TNIP3: variants seen among roughly 807,000 people sequenced by gnomAD.
TNIP3 encodes the protein TNFAIP3 interacting protein 3.
In TNIP3, 34 loss-of-function variants were observed where a neutral mutation model predicts 54.1. The observed-to-expected ratio is 0.63, with a 90% CI of 0.48 to 0.84. The LOEUF (loss-of-function observed/expected upper bound fraction) is 0.84. Among genes scored for constraint, TNIP3 ranks in the 40% least tolerant of loss-of-function variants. The pLI is 0.00. For missense variants in TNIP3, 366 were observed against 387.6 expected (o/e 0.94, Z 0.47); for synonymous variants, 134 against 136.8 (o/e 0.98, Z 0.14).
chr4:121,225,246 A>C (rs1480327419), intron 1 of TNIP3, among the ~76,000 whole-genome samples: 2 of 152,214 alleles, frequency 1.3e-5, no homozygotes, highest in Non-Finnish European at 2.9e-5. Context: ...GGTTTTTTAC[A>C]TACTTAGATT....
chr4:121,222,097 T>C (rs945730436), intron 1 of TNIP3, among the ~76,000 whole-genome samples: 1 of 152,156 alleles, frequency 6.6e-6, no homozygotes, highest in Non-Finnish European at 1.5e-5. Flanking sequence ...CTCCTAATAC[T>C]TAAGTGTTAT....
At chr4:121,143,433 C>T (rs142851176) in intron 7 of TNIP3, among the ~76,000 whole-genome samples, 10 of 152,346 alleles carry the variant, frequency 6.6e-5, no homozygotes, top group African/African-American at 2.4e-4. Flanking sequence ...CCATGTCCCA[C>T]ATTCCCATAA....
chr4:121,186,160 T>A (rs1725006349), intron 2 of TNIP3, among the ~76,000 whole-genome samples: 1 of 152,122 alleles, frequency 6.6e-6, no homozygotes, highest in African/African-American at 2.4e-5. Context: ...TTCACTAACT[T>A]CAGCCACTGC....
intron 2 of TNIP3, among the ~76,000 whole-genome samples, chr4:121,183,535 G>T (rs538568177): frequency 6.6e-6 from 1 of 152,280 alleles, no homozygotes; most frequent in East Asian, 1.9e-4. Context: ...TGCCAGTCTG[G>T]CCTGTTAGGG....
intron 2 of TNIP3, among the ~76,000 whole-genome samples, chr4:121,195,471 A>G (rs1725528726): frequency 6.6e-6 from 1 of 152,216 alleles, no homozygotes; most frequent in South Asian, 2.1e-4. Context: ...CTGATTATAG[A>G]GAGTGGACCA....
chr4:121,180,591 G>A (rs1197790716), intron 3 of TNIP3, among the ~76,000 whole-genome samples: 1 of 152,184 alleles, frequency 6.6e-6, no homozygotes, highest in African/African-American at 2.4e-5. Context: ...AATGAGCTTG[G>A]CTATGTTGTG....
chr4:121,165,531 T>A (rs1315398386), upstream of TNIP3, among the ~76,000 whole-genome samples: 4 of 152,182 alleles, frequency 2.6e-5, no homozygotes, highest in Admixed American at 2.6e-4. Flanking sequence ...CTTGTGTTAA[T>A]CTCTGTGTCC....
chr4:121,162,324 T>C (rs1460736233), intron 1 of TNIP3, among the ~76,000 whole-genome samples: 2 of 152,228 alleles, frequency 1.3e-5, no homozygotes, highest in Non-Finnish European at 2.9e-5. Flanking sequence ...TCTCGTTTCC[T>C]TAGCTTCTTC....
intron 8 of TNIP3, among the ~76,000 whole-genome samples, chr4:121,142,178 T>C (rs1030232373): frequency 6.6e-6 from 1 of 152,186 alleles, no homozygotes; most frequent in African/African-American, 2.4e-5. Context: ...GAGTTAACTT[T>C]ATGTTTTTGA....
chr4:121,161,716 CA>C (rs1262287467), intron 1 of TNIP3, among the ~76,000 whole-genome samples: 2 of 152,120 alleles, frequency 1.3e-5, no homozygotes, highest in Non-Finnish European at 2.9e-5. Context: ...AAAAGACAAA[CA>C]CATACAGCCA....
upstream of TNIP3, among the ~76,000 whole-genome samples, chr4:121,220,167 T>C (rs1384321884): frequency 1.3e-5 from 2 of 152,220 alleles, no homozygotes; most frequent in Non-Finnish European, 2.9e-5. Flanking sequence ...TAAGAATACA[T>C]GAAAAGCTTT....
intron 10 of TNIP3, 149 bp downstream of exon 10, chr4:121,138,475 C>T (rs1728917338): frequency 5.8e-6 from 4 of 684,600 alleles, no homozygotes; most frequent in Non-Finnish European, 1.0e-5. Context: ...CAATTTAACC[C>T]CAGGTGCATC....
intron 6 of TNIP3, among the ~76,000 whole-genome samples, chr4:121,147,739 A>G (rs934231991): frequency 2.0e-5 from 3 of 152,226 alleles, no homozygotes; most frequent in African/African-American, 7.2e-5. Context: ...AAGGTAAGGA[A>G]TGAAGTAAAA....
intron 2 of TNIP3, among the ~76,000 whole-genome samples, chr4:121,212,192 C>T (rs1726511580): frequency 1.3e-5 from 2 of 152,096 alleles, no homozygotes; most frequent in South Asian, 4.1e-4. Context: ...CTTCTTGGAC[C>T]TTCTGGATAA....
chr4:121,184,656 GC>G (rs1426912155), intron 2 of TNIP3, among the ~76,000 whole-genome samples: 1 of 152,066 alleles, frequency 6.6e-6, no homozygotes, highest in Non-Finnish European at 1.5e-5. Context: ...TATTTTTAAA[GC>G]TAGCTTTGCT....
intron 9 of TNIP3, among the ~76,000 whole-genome samples, chr4:121,139,694 G>C (rs1728997916): frequency 6.6e-6 from 1 of 152,148 alleles, no homozygotes; most frequent in Non-Finnish European, 1.5e-5. Context: ...AGTGCAGTTT[G>C]ACCCCACTGT....
chr4:121,182,495 C>A (rs544188629), intron 3 of TNIP3, among the ~76,000 whole-genome samples: 14 of 152,278 alleles, frequency 9.2e-5, no homozygotes, highest in African/African-American at 3.4e-4. Flanking sequence ...TGAAGAATTT[C>A]TTTAGTAACA....
At chr4:121,216,599 T>A in exon 1 of TNIP3, 1 of 1,494,686 alleles carries the variant, frequency 6.7e-7, no homozygotes, top group Non-Finnish European at 8.9e-7. Flanking sequence ...TTAAATGCAT[T>A]TTTCATCAAA....
Position 121,205,668 on chromosome 4 carries a change from A to G in TNIP3, c.68+10747T>C, listed in dbSNP as rs189748997. On this transcript the variant is annotated intron_variant, in intron 2 of 12. Transcript: ENST00000507879. ...GAGGGATGTGGAAAGAAAAGGTGGGATTCTGGGCATAATTTGAATTTAGCC... is the reference window on the plus strand; with the variant it reads ...GAGGGATGTGGAAAGAAAAGGTGGGGTTCTGGGCATAATTTGAATTTAGCC... 2.0e-5 allele frequency among the ~76,000 whole-genome samples: 3 copies of G among 152,268 alleles called. No homozygotes were observed. In the East Asian group the frequency reaches 5.8e-4, roughly 29 times the overall value.
Sources: allele counts gnomAD v4.1 joint callset (sites outside exome capture counted in the v4.1 genomes callset), GRCh38; gene constraint gnomAD v4.1.1; transcripts MANE v1.5; gene names NCBI Gene and HGNC (gene_info 2026-07-23, HGNC 2026-07-21).